The following SPOCK3 variants were observed in gnomAD, a reference collection of about 807,000 sequenced individuals.
SPOCK3 encodes the protein SPARC (osteonectin), cwcv and kazal like domains proteoglycan 3, also known as testican-3.
SPOCK3 carries 30 observed loss-of-function variants against 56.6 expected under a neutral mutation model. The observed-to-expected ratio is 0.53, with a 90% CI of 0.40 to 0.72. The LOEUF (loss-of-function observed/expected upper bound fraction) is 0.72. Among genes scored for constraint, SPOCK3 ranks in the 30% least tolerant of loss-of-function variants. The pLI is 0.00. For synonymous variants in SPOCK3, 196 were observed against 183.3 expected, an observed-to-expected ratio of 1.07 and a Z score of -0.56; for missense variants, 527 against 530.0, an observed-to-expected ratio of 0.99 and a Z score of 0.06.
intron 6 of SPOCK3, among the ~76,000 whole-genome samples, chr4:166,869,580 A>C (rs1732236797): frequency 6.6e-6 from 1 of 151,008 alleles, no homozygotes; most frequent in African/African-American, 2.4e-5. Flanking sequence ...ACACCAGTAC[A>C]TTATGTAATT....
intron 2 of SPOCK3, among the ~76,000 whole-genome samples, chr4:167,198,693 C>G (rs188500873): frequency 5.8e-4 from 88 of 152,036 alleles, no homozygotes; most frequent in Non-Finnish European, 9.4e-4. Context: ...GCTTTGAATC[C>G]TACCTCATCT....
intron 7 of SPOCK3, among the ~76,000 whole-genome samples, chr4:166,770,236 C>T (rs1027026687): frequency 3.3e-5 from 5 of 152,090 alleles, no homozygotes; most frequent in Admixed American, 6.6e-5. Context: ...GAACCGGGTA[C>T]CTCAGTTGGA....
intron 2 of SPOCK3, among the ~76,000 whole-genome samples, chr4:167,176,219 C>T (rs1730967819): frequency 6.6e-6 from 1 of 152,128 alleles, no homozygotes; most frequent in African/African-American, 2.4e-5. Context: ...GGATAATCTT[C>T]CAGTCTCAAA....
chr4:167,168,988 C>T (rs1384751227), intron 2 of SPOCK3, among the ~76,000 whole-genome samples: 3 of 152,170 alleles, frequency 2.0e-5, no homozygotes, highest in Non-Finnish European at 1.5e-5. Context: ...AAGCCCCAAG[C>T]CTTGGCAGCT....
chr4:166,864,881 T>G (rs1378602283), intron 6 of SPOCK3, among the ~76,000 whole-genome samples: 2 of 152,106 alleles, frequency 1.3e-5, no homozygotes, highest in Non-Finnish European at 2.9e-5. Context: ...CCATTCCTTC[T>G]GAAATTCTTC....
chr4:166,879,447 G>T (rs1733464330), intron 6 of SPOCK3, among the ~76,000 whole-genome samples: 1 of 152,034 alleles, frequency 6.6e-6, no homozygotes, highest in African/African-American at 2.4e-5. Context: ...GAGGTGGGAG[G>T]ATCACTTGAG....
At chr4:166,955,663 A>AAT (rs934421404) in intron 4 of SPOCK3, among the ~76,000 whole-genome samples, 1 of 146,986 alleles carries the variant, frequency 6.8e-6, no homozygotes, top group Non-Finnish European at 1.5e-5. Context: ...TATAAATTAT[A>AAT]ATATATAGAG....
chr4:167,145,163 CA>C (rs1445142077), intron 2 of SPOCK3, among the ~76,000 whole-genome samples: 2 of 151,884 alleles, frequency 1.3e-5, no homozygotes, highest in African/African-American at 4.8e-5. Context: ...GAATATGCAC[CA>C]TTAAAGAGTG....
At chr4:167,205,443 ATATATAT>A (rs1734122004) in intron 2 of SPOCK3, among the ~76,000 whole-genome samples, 1 of 47,972 alleles carries the variant, frequency 2.1e-5, no homozygotes, top group South Asian at 5.0e-4. Context: ...ATATAATATA[ATATATAT>A]TATATAAATA....
intron 4 of SPOCK3, among the ~76,000 whole-genome samples, chr4:166,934,341 A>AAC (rs1256530877): frequency 6.6e-6 from 1 of 151,010 alleles, no homozygotes; most frequent in Admixed American, 6.6e-5. Context: ...TACAAAAAAA[A>AAC]AAAAAAATTC....
chr4:166,944,032 A>G (rs541977149), intron 4 of SPOCK3, among the ~76,000 whole-genome samples: 1 of 152,246 alleles, frequency 6.6e-6, no homozygotes, highest in Non-Finnish European at 1.5e-5. Context: ...CTGTAGTCCC[A>G]GCTACTCAGG....
chr4:167,026,264 T>G (rs1751688686), intron 3 of SPOCK3, among the ~76,000 whole-genome samples: 2 of 152,080 alleles, frequency 1.3e-5, no homozygotes, highest in African/African-American at 4.8e-5. Context: ...ATCTCCTCAC[T>G]TTATGTAATT....
At chr4:166,814,369 C>G (rs911921738) in intron 6 of SPOCK3, among the ~76,000 whole-genome samples, 2 of 151,916 alleles carry the variant, frequency 1.3e-5, no homozygotes, top group African/African-American at 4.8e-5. Context: ...TTAGGTGTGT[C>G]CATGAGGGTG....
intron 2 of SPOCK3, among the ~76,000 whole-genome samples, chr4:167,131,854 G>A (rs557226426): frequency 6.6e-6 from 1 of 152,230 alleles, no homozygotes; most frequent in South Asian, 2.1e-4. Context: ...AACCCATGAA[G>A]TATAAGTACT....
intron 4 of SPOCK3, among the ~76,000 whole-genome samples, chr4:166,993,129 T>C (rs1053309730): frequency 1.3e-5 from 2 of 152,156 alleles, no homozygotes; most frequent in Non-Finnish European, 2.9e-5. Flanking sequence ...AAAGCCAGTA[T>C]ATATTGCAAG....
At chr4:167,126,256 G>A (rs1368301976) in intron 2 of SPOCK3, among the ~76,000 whole-genome samples, 2 of 152,054 alleles carry the variant, frequency 1.3e-5, no homozygotes, top group African/African-American at 2.4e-5. Context: ...CTCACAATAA[G>A]TTCATTGTAG....
chr4:166,742,632 A>G (rs886151467), intron 8 of SPOCK3, among the ~76,000 whole-genome samples: 1 of 152,116 alleles, frequency 6.6e-6, no homozygotes, highest in Non-Finnish European at 1.5e-5. Flanking sequence ...GTATAATGTT[A>G]AGAGATATTA....
chr4:166,769,428 A>G (rs1017853258), intron 7 of SPOCK3, among the ~76,000 whole-genome samples: 4 of 152,116 alleles, frequency 2.6e-5, no homozygotes, highest in African/African-American at 7.2e-5. Context: ...AGCTGCAGGT[A>G]TGTTGGAGTT....
intron 2 of SPOCK3, among the ~76,000 whole-genome samples, chr4:167,095,938 A>G (rs895955576): frequency 1.3e-5 from 2 of 151,966 alleles, no homozygotes; most frequent in African/African-American, 2.4e-5. Flanking sequence ...ATAATATACA[A>G]ATGTTACTGG....
Sources: gnomAD v4.1 joint callset for allele counts (sites outside exome capture counted in the v4.1 genomes callset) on GRCh38, gnomAD v4.1.1 for gene constraint, MANE v1.5 for transcripts, NCBI Gene and HGNC (gene_info 2026-07-23, HGNC 2026-07-21) for gene names.